ZNF648: variants seen among roughly 807,000 people sequenced by gnomAD.
ZNF648 encodes the protein zinc finger protein 648.
Under a neutral mutation model 0.3 loss-of-function variants are expected in ZNF648, and 1 was observed. The observed-to-expected ratio is 3.90, with a 90% CI of 1.39 to 18.51. ZNF648 has a LOEUF of 18.51. Among genes scored for constraint, ZNF648 ranks in the 30% most tolerant of loss-of-function variants. ZNF648 has a pLI of 0.11. For missense variants in ZNF648, 874 were observed against 769.7 expected, an observed-to-expected ratio of 1.14 and a Z score of -1.60; for synonymous variants, 376 against 326.8, an observed-to-expected ratio of 1.15 and a Z score of -1.62.
At position 182,056,840 on chromosome 1, in the gene ZNF648, G is replaced by T; in HGVS notation, c.1171C>A (p.Pro391Thr). The T allele has an allele frequency of 7.1e-6, 11 of 1,557,936 alleles. No individual in the cohort carries two copies. Among genetic ancestry groups the T allele is most frequent in the South Asian group, 1.2e-5 (1 of 84,970 alleles). Residue 391 changes from proline (P) to threonine (T), a missense_variant, in exon 2 of 2, where the codon CCC becomes ACC. Pro to Thr is a conservative substitution (Grantham distance 38). Coordinates refer to ENST00000339948, the MANE Select transcript of ZNF648 (RefSeq NM_001009992.1). ...CGGTCGCAGGCGGGGCAGCGGAAGG[G>T]CTTGGCGCCCAGGTGCGTGCGCTGG... is the stretch of plus-strand genomic sequence containing the variant. ...RHQRTHLGAK[P>T]FRCPACDREF... is the part of the protein sequence containing the mutation.
Position 182,056,596 on chromosome 1 carries a change from C to G in ZNF648, c.1415G>C (p.Gly472Ala). ...CTGCGTGCAAGGAAAGGGCCTCTCGCCAGTGTGGATGCGCTGGTGGCGCAC... is the reference window on the plus strand; with the variant it reads ...CTGCGTGCAAGGAAAGGGCCTCTCGGCAGTGTGGATGCGCTGGTGGCGCAC... ...RLVRHQRIHT[G>A]ERPFPCTQCG... The change falls in exon 2 of 2, where the codon GGC (glycine) becomes GCC (alanine). Residue 472 changes from glycine (G) to alanine (A), a missense_variant. By Grantham distance (60) the Gly-to-Ala change is moderately conservative. Transcript: ENST00000339948. The G allele has an allele frequency of 6.2e-7, 1 of 1,613,750 alleles. No homozygotes were observed. Among genetic ancestry groups the G allele is most frequent in the Non-Finnish European group, 8.5e-7 (1 of 1,179,854 alleles).
At chr1:182,067,500 C>T in the ZNF648 span, among the ~76,000 whole-genome samples, 1 of 152,150 alleles carries the variant, frequency 6.6e-6, no homozygotes, top group Non-Finnish European at 1.5e-5. Context: ...ACCTCTACCT[C>T]CTGTCTAAAC....
In ZNF648 at chr1:182,057,284, C is replaced by A. The variant is rs765975207; in HGVS notation, c.727G>T (p.Gly243Ter). ...CTGTAGGGACGCGCCTCAGCCTCTC[C>A]GCCCTCGCGCCGGCCCGCCTGGTTC... ...VQNQAGRREG[G>*]EAEARPYRCL... Residue 243 changes from glycine (G) to a stop codon, truncating the protein, a stop_gained, in exon 2 of 2, where the codon GGA becomes TGA. Transcript: ENST00000339948. LOFTEE classifies it low-confidence loss of function (END_TRUNC). The A allele has an allele frequency of 1.3e-6, 2 of 1,594,312 alleles. No individual in the cohort carries two copies. Among genetic ancestry groups the A allele is most frequent in the East Asian group, 2.3e-5 (1 of 44,366 alleles).
In ZNF648 at chr1:182,057,982, C is replaced by CACCTGTCCTGGGA. The variant is rs771717934; in HGVS notation, c.16_28dup (p.Trp10PhefsTer16). The CACCTGTCCTGGGA allele has an allele frequency of 6.2e-7, 1 of 1,611,604 alleles. No homozygotes were observed. The highest frequency in any genetic ancestry group is 1.1e-5 in the South Asian group (1 of 90,724). On this transcript the variant is annotated frameshift_variant, in exon 2 of 2. Coordinates refer to ENST00000339948, the MANE Select transcript of ZNF648 (RefSeq NM_001009992.1). LOFTEE classifies it low-confidence loss of function (END_TRUNC). ...GCTGCTGAGAGGAGACGCCTCTCCC[C>CACCTGTCCTGGGA]ACCTGTCCTGGGAGTCCACTTGTGC...
At chr1:182,062,946 G>C (rs1666050339), upstream of ZNF648, 1 of 152,208 alleles carries the variant, frequency 6.6e-6, no homozygotes, top group South Asian at 2.1e-4. Flanking sequence ...TTATAAGTGA[G>C]AACATGCGGT....
At position 182,061,702 on chromosome 1, in the gene ZNF648, C is replaced by G. The variant is rs374439712; in HGVS notation, c.-198G>C. ...CTCTCACGCTTTGTGTCCAGTCCAG[C>G]GGCTGCAGAGAGAGCCTCTGGAGGT... On this transcript the variant is annotated 5_prime_UTR_variant, in exon 1 of 2. Coordinates refer to ENST00000339948, the MANE Select transcript of ZNF648 (RefSeq NM_001009992.1). The G allele has an allele frequency of 1.3e-5, 2 of 152,402 alleles. No individual in the cohort carries two copies. Among genetic ancestry groups the G allele is most frequent in the Admixed American group, 6.5e-5 (1 of 15,284 alleles). 9.4% of individuals were successfully genotyped at this position (152,402 alleles called of 1,614,324 possible).
chr1:182,064,730 G>GTA (rs1334891285), upstream of ZNF648: 1 of 152,208 alleles, frequency 6.6e-6, no homozygotes, highest in African/African-American at 2.4e-5. Context: ...GATGGGGAGA[G>GTA]TAGGTGAACA....
Position 182,056,691 on chromosome 1 carries a change from C to T in ZNF648, c.1320G>A (p.Thr440=). ...TKSSNLSEHQ[T]LHTGQRPFKC... ...TGAAAGGCCTCTGGCCGGTGTGCAG[C>T]GTCTGGTGCTCGGACAGATTGGAGG... is the stretch of plus-strand genomic sequence containing the variant. Residue 440 remains threonine, a synonymous_variant, in exon 2 of 2, where the codon ACG becomes ACA. Coordinates refer to ENST00000339948, the MANE Select transcript of ZNF648 (RefSeq NM_001009992.1). 1 of 1,601,250 alleles carries T rather than the reference C, an allele frequency of 6.2e-7. No homozygotes were observed. Among genetic ancestry groups the T allele is most frequent in the Non-Finnish European group, 8.5e-7 (1 of 1,173,808 alleles).
chr1:182,058,195 G>T, intron 1 of ZNF648, 122 bp from the exon 2 acceptor site: 1 of 691,012 alleles, frequency 1.4e-6, no homozygotes, highest in Non-Finnish European at 2.3e-6. Flanking sequence ...CAGGCATATT[G>T]TTGAGCCTCA....
rs1665898729 is a variant in ZNF648, at chr1:182,056,059, A to T, written c.*245T>A. On this transcript the variant is annotated 3_prime_UTR_variant, in exon 2 of 2. Transcript: ENST00000339948. ...GGAACTCAACGTTTGATCAGCTCCC[A>T]CTACTTTGTCTTTCCCTTTTCCAAT... 3.7e-6 allele frequency: 2 copies of T among 534,558 alleles called. No homozygotes were observed. Among genetic ancestry groups the T allele is most frequent in the Non-Finnish European group, 6.6e-6 (2 of 304,868 alleles). The allele number at this position is 534,558 out of a possible 1,614,324, so 33.1% of individuals were successfully genotyped here.
upstream of ZNF648, chr1:182,062,670 G>A (rs188233503): frequency 9.2e-5 from 14 of 152,224 alleles, no homozygotes; most frequent in Admixed American, 7.8e-4. Context: ...ACCCAAAAAC[G>A]TTAGCTGCTT....
chr1:182,058,279 C>A (rs1401947587), intron 1 of ZNF648, among the ~76,000 whole-genome samples: 1 of 152,084 alleles, frequency 6.6e-6, no homozygotes, highest in African/African-American at 2.4e-5. Context: ...TTGCTATAAG[C>A]CCCAGGAGAC....
In ZNF648 at chr1:182,055,719, T is replaced by C. The variant is rs1332715391; in HGVS notation, c.*585A>G. 2 of 153,756 alleles carry C rather than the reference T, an allele frequency of 1.3e-5. No individual in the cohort carries two copies. Among genetic ancestry groups the C allele is most frequent in the Non-Finnish European group, 2.9e-5 (2 of 69,116 alleles). The allele number at this position is 153,756 out of a possible 1,614,324, so 9.5% of individuals were successfully genotyped here. A position where few individuals can be genotyped will look rare whatever the true frequency, so the allele number is the denominator to read the frequency against. On this transcript the variant is annotated 3_prime_UTR_variant, in exon 2 of 2. Transcript: ENST00000339948. This position sits in a 1 kb window ranked among gnomAD's most constrained non-coding sequence, Gnocchi z 4.1. ...AGCCAAGACTCATAAAGATATATCC[T>C]AAGGGTAAAGCCATTTCTGCAGTCA...
rs764482487 is a variant in ZNF648, at chr1:182,057,213, C to G, written c.798G>C (p.Leu266=). ...GRAFQKPSKP[L]SPAETRGGAA... is the part of the protein sequence containing the mutation. ...CGCCGCCGCGCGTCTCCGCGGGGCT[C>G]AGCGGCTTGCTGGGCTTCTGAAAGG... Residue 266 remains leucine, a synonymous_variant, in exon 2 of 2, where the codon CTG becomes CTC. Transcript: ENST00000339948. The G allele has an allele frequency of 1.7e-5, 26 of 1,567,274 alleles. No homozygotes were observed. Among genetic ancestry groups the G allele is most frequent in the Non-Finnish European group, 2.2e-5 (26 of 1,163,070 alleles).
At position 182,057,287 on chromosome 1, in the gene ZNF648, C is replaced by T; in HGVS notation, c.724G>A (p.Gly242Ser). The change falls in exon 2 of 2, where the codon GGC becomes AGC. Residue 242 changes from glycine (G) to serine (S), a missense_variant. By Grantham distance (56) the Gly-to-Ser change is moderately conservative. Transcript: ENST00000339948. Reference sequence around the variant, plus strand: ...TAGGGACGCGCCTCAGCCTCTCCGCCCTCGCGCCGGCCCGCCTGGTTCTGT... The same window carrying T: ...TAGGGACGCGCCTCAGCCTCTCCGCTCTCGCGCCGGCCCGCCTGGTTCTGT... ...KVQNQAGRRE[G>S]GEAEARPYRC... is the part of the protein sequence containing the mutation. The T allele has an allele frequency of 1.3e-6, 2 of 1,596,052 alleles. No individual in the cohort carries two copies. The highest frequency in any genetic ancestry group is 1.3e-5 in the African/African-American group (1 of 74,888).
At chr1:182,068,883 T>G in the ZNF648 span, among the ~76,000 whole-genome samples, 1 of 134,934 alleles carries the variant, frequency 7.4e-6, no homozygotes, top group Admixed American at 7.8e-5. Flanking sequence ...ACCACTGCAC[T>G]CCAGGCTGGG....
rs528922022 is a variant in ZNF648 at position 182,055,635 on chromosome 1, G to C, written c.*669C>G. The C allele has an allele frequency of 4.6e-5, 7 of 152,182 alleles. No individual in the cohort carries two copies. Among genetic ancestry groups the C allele is most frequent in the Non-Finnish European group, 8.8e-5 (6 of 68,060 alleles). 9.4% of individuals were successfully genotyped at this position (152,182 alleles called of 1,614,324 possible). A position where few individuals can be genotyped will look rare whatever the true frequency, so the allele number is the denominator to read the frequency against. ...ATGCTAAGGCTGTCCTGAACTTCTA[G>C]AATAACTGGAATATGACATAAACCA... On this transcript the variant is annotated 3_prime_UTR_variant, in exon 2 of 2. Coordinates refer to ENST00000339948, the MANE Select transcript of ZNF648 (RefSeq NM_001009992.1). This position sits in a 1 kb window ranked among gnomAD's most constrained non-coding sequence, Gnocchi z 4.1.
the ZNF648 span, among the ~76,000 whole-genome samples, chr1:182,067,748 C>T: frequency 1.3e-5 from 2 of 152,244 alleles, no homozygotes; most frequent in East Asian, 3.8e-4. Flanking sequence ...AAGCTGCAAG[C>T]AGTGGGTTGG....
upstream of ZNF648, chr1:182,063,563 G>T (rs1280218786): frequency 6.6e-6 from 1 of 152,010 alleles, no homozygotes; most frequent in African/African-American, 2.4e-5. Context: ...TTTGTGGGGG[G>T]TTTCGTAAAT....
Sources: gnomAD v4.1 joint callset for allele counts (sites outside exome capture counted in the v4.1 genomes callset) on GRCh38, gnomAD v4.1.1 for gene constraint, Gnocchi (gnomAD v3.1) non-coding constraint, MANE v1.5 for transcripts, NCBI Gene and HGNC (gene_info 2026-07-23, HGNC 2026-07-21) for gene names.